ATP10D: variants seen among roughly 807,000 people sequenced by gnomAD.
The protein encoded by ATP10D is ATPase phospholipid transporting 10D (putative).
In ATP10D, 89 loss-of-function variants were observed where a neutral mutation model predicts 144.8. The observed-to-expected ratio is 0.61, with a 90% CI of 0.52 to 0.73. The LOEUF is 0.73. ATP10D is among the 30% of genes least tolerant of loss of function. The pLI is 0.00. For missense variants in ATP10D, 1,603 were observed against 1,714.8 expected, an observed-to-expected ratio of 0.93 and a Z score of 1.15; for synonymous variants, 571 against 615.1, an observed-to-expected ratio of 0.93 and a Z score of 1.06.
chr4:47,574,892 C>G (rs1026188407), intron 18 of ATP10D, among the ~76,000 whole-genome samples: 1 of 152,086 alleles, frequency 6.6e-6, no homozygotes, highest in Non-Finnish European at 1.5e-5. Context: ...CCTCTGCCTC[C>G]CGAGGTCAAG....
chr4:47,535,891 A>G lies in ATP10D; in HGVS notation c.884-11A>G, dbSNP rs1191928013. The G allele has an allele frequency of 1.2e-5, 20 of 1,607,398 alleles. No individual in the cohort carries two copies. The highest frequency in any genetic ancestry group is 1.5e-5 in the Non-Finnish European group (18 of 1,177,862). On this transcript the variant is annotated splice_polypyrimidine_tract_variant and intron_variant, in intron 6 of 22. Transcript: ENST00000273859. ...TTGTACATTTTCTATCATACTGCAC[A>G]TCCTTCATAGGCCATGAAACCAAAG...
At position 47,557,656 on chromosome 4, in the gene ATP10D, T is replaced by C. The variant is rs781040686; in HGVS notation, c.1825-8T>C. 3 of 1,590,262 alleles carry C rather than the reference T, an allele frequency of 1.9e-6. No homozygotes were observed. The highest frequency in any genetic ancestry group is 1.7e-6 in the Non-Finnish European group (2 of 1,165,212). Reference sequence around the variant, plus strand: ...TGTATTGAGACCTTTCTAAATTGTCTTTCATAGATCAGACACCCTTCACTG... The same window carrying C: ...TGTATTGAGACCTTTCTAAATTGTCCTTCATAGATCAGACACCCTTCACTG... On this transcript the variant is annotated splice_region_variant and splice_polypyrimidine_tract_variant and intron_variant, in intron 11 of 22. Transcript: ENST00000273859.
chr4:47,564,958 C>T (rs1373754761), intron 15 of ATP10D, among the ~76,000 whole-genome samples: 1 of 152,070 alleles, frequency 6.6e-6, no homozygotes, highest in Admixed American at 6.5e-5. Flanking sequence ...AACATGTTTT[C>T]GTTTGTTTAT....
At chr4:47,491,292 T>TAACACC in intron 1 of ATP10D, 1 of 838,452 alleles carries the variant, frequency 1.2e-6, no homozygotes, top group Non-Finnish European at 1.9e-6. Flanking sequence ...TTTGCCATGG[T>TAACACC]AACACTGGTG....
At chr4:47,513,402 C>T (rs772972880) in intron 2 of ATP10D, among the ~76,000 whole-genome samples, 1 of 152,058 alleles carries the variant, frequency 6.6e-6, no homozygotes, top group Non-Finnish European at 1.5e-5. Context: ...ACAATATATA[C>T]ATATATAAAA....
chr4:47,587,184 A>C lies in ATP10D; in HGVS notation c.3919A>C (p.Thr1307Pro), dbSNP rs1469221831. ...ATTCTACTTAGTTTGTATCCTCACG[A>C]CGTCCATTGCTCTTCTGCCCAGGTA... ...PVFYLVCILT[T>P]SIALLPRFVY... Residue 1307 changes from threonine (T) to proline (P), a missense_variant, in exon 22 of 23, where the codon ACG (threonine) becomes CCG (proline). Coordinates refer to ENST00000273859, the MANE Select transcript of ATP10D (RefSeq NM_020453.4). 3.7e-6 allele frequency: 6 copies of C among 1,613,494 alleles called. No homozygotes were observed. Among genetic ancestry groups the C allele is most frequent in the Non-Finnish European group, 5.1e-6 (6 of 1,179,742 alleles).
intron 9 of ATP10D, among the ~76,000 whole-genome samples, chr4:47,540,778 C>T (rs1401547672): frequency 2.6e-5 from 4 of 152,174 alleles, no homozygotes; most frequent in African/African-American, 9.7e-5. Context: ...GTCCCAGGAT[C>T]CTAGCTAGGA....
intron 16 of ATP10D, 146 bp from the exon 17 acceptor site, chr4:47,572,008 G>T: frequency 1.4e-6 from 1 of 726,860 alleles, no homozygotes; most frequent in Non-Finnish European, 2.4e-6. Context: ...CTTCATTTCT[G>T]TTTCACTTAC....
At chr4:47,580,533 T>G in intron 20 of ATP10D, 55 bp downstream of exon 20, 1 of 1,504,920 alleles carries the variant, frequency 6.6e-7, no homozygotes, top group East Asian at 2.3e-5. Flanking sequence ...GATGCTTCTT[T>G]GTACTTTGCC....
chr4:47,554,284 T>G (rs528703554), intron 10 of ATP10D, among the ~76,000 whole-genome samples: 1 of 152,320 alleles, frequency 6.6e-6, no homozygotes, highest in Non-Finnish European at 1.5e-5. Context: ...AGCAGTAACT[T>G]GAACCATAAA....
rs112117223 is a variant in ATP10D at position 47,536,222 on chromosome 4, T to C, written c.1015+189T>C. ...ATATTGACTCTATCCATTTACGTTT[T>C]GCCATAGTACTGAAGAAACCTGGAG... On this transcript the variant is annotated intron_variant, in intron 7 of 22. Coordinates refer to ENST00000273859, the MANE Select transcript of ATP10D (RefSeq NM_020453.4). Among the ~76,000 whole-genome samples the C allele has an allele frequency of 3.9e-3, 593 of 152,238 alleles. 5 individuals are homozygous for C. The highest frequency in any genetic ancestry group is 0.014 in the African/African-American group (577 of 41,554).
intron 1 of ATP10D, chr4:47,491,588 A>C: frequency 2.9e-6 from 1 of 342,004 alleles, no homozygotes; most frequent in Non-Finnish European, 5.4e-6. Context: ...TCATCTTAGC[A>C]AGTCAGGGCT....
At chr4:47,485,654 C>G (rs1014095889) in intron 1 of ATP10D, 135 bp downstream of exon 1, 1 of 151,560 alleles carries the variant, frequency 6.6e-6, no homozygotes, top group Admixed American at 6.6e-5. Context: ...GATGACATGG[C>G]TCAAAACTAC....
intron 21 of ATP10D, among the ~76,000 whole-genome samples, chr4:47,584,675 C>T (rs1170763450): frequency 6.6e-6 from 1 of 152,046 alleles, no homozygotes; most frequent in Non-Finnish European, 1.5e-5. Context: ...GGATTACAGG[C>T]GTGAGCCACT....
intron 10 of ATP10D, chr4:47,547,079 A>G (rs1407669135): frequency 1.8e-6 from 1 of 553,938 alleles, no homozygotes; most frequent in Non-Finnish European, 3.2e-6. Flanking sequence ...GAGAGGTAGT[A>G]TACCATTTCT....
At position 47,572,956 on chromosome 4, in the gene ATP10D, C is replaced by T. The variant is rs778911658; in HGVS notation, c.3325C>T (p.Arg1109Trp). 17 of 1,613,956 alleles carry T rather than the reference C, an allele frequency of 1.1e-5. 1 individual carries two copies. The South Asian group carries it at 1.5e-4, about 15-fold the overall frequency. ...LLVHGHWCYT[R>W]LSNMILYFFY... ...TGTCCATGGACACTGGTGTTATACA[C>T]GGCTTTCCAACATGATTCTCTATTT... Residue 1109 changes from arginine to tryptophan, a missense_variant, in exon 18 of 23, where the codon CGG becomes TGG. Physicochemically the swap from Arg to Trp is moderately radical, Grantham distance 101. Transcript: ENST00000273859.
chr4:47,493,997 C>T (rs1276887010), intron 1 of ATP10D, among the ~76,000 whole-genome samples: 2 of 152,092 alleles, frequency 1.3e-5, no homozygotes, highest in Non-Finnish European at 2.9e-5. Flanking sequence ...TTCCTGTATG[C>T]TGTTTCAGAT....
intron 1 of ATP10D, among the ~76,000 whole-genome samples, chr4:47,501,601 GAGCCCTCTGAT>G (rs1715683969): frequency 6.6e-6 from 1 of 152,136 alleles, no homozygotes; most frequent in African/African-American, 2.4e-5. Flanking sequence ...CCCTGTATCA[GAGCCCTCTGAT>G]AGCCACCAAG....
intron 9 of ATP10D, among the ~76,000 whole-genome samples, chr4:47,545,660 G>A (rs1718377016): frequency 6.6e-6 from 1 of 152,220 alleles, no homozygotes; most frequent in African/African-American, 2.4e-5. Context: ...AAGTCGTTAA[G>A]TTTGATTTAC....
Sources: allele counts gnomAD v4.1 joint callset (sites outside exome capture counted in the v4.1 genomes callset), GRCh38; gene constraint gnomAD v4.1.1; transcripts MANE v1.5; gene names NCBI Gene and HGNC (gene_info 2026-07-23, HGNC 2026-07-21).